The following TSPAN15 variants were observed in gnomAD, a reference collection of about 807,000 sequenced individuals.
The protein encoded by TSPAN15 is tetraspanin 15, also known as tetraspanin-15.
In TSPAN15, 20 loss-of-function variants were observed where a neutral mutation model predicts 34.5. The observed-to-expected ratio is 0.58, with a 90% CI of 0.41 to 0.84. The LOEUF is 0.84. Ranked by LOEUF, TSPAN15 falls within the 40% of genes least tolerant of loss-of-function variation. TSPAN15 has a pLI of 0.00. For synonymous variants in TSPAN15, 155 were observed against 153.9 expected (o/e 1.01, Z -0.05); for missense variants, 313 against 386.1 (o/e 0.81, Z 1.59).
At chr10:69,549,400 C>T in the TSPAN15 span, among the ~76,000 whole-genome samples, 1 of 152,170 alleles carries the variant, frequency 6.6e-6, no homozygotes, top group African/African-American at 2.4e-5. Context: ...TATATAAACC[C>T]TGGGTCTGGG....
intron 1 of TSPAN15, among the ~76,000 whole-genome samples, chr10:69,455,424 G>A (rs962799414): frequency 2.6e-5 from 4 of 152,254 alleles, no homozygotes; most frequent in African/African-American, 9.6e-5. Context: ...GCCTCATTCT[G>A]TGTGTTGGCT....
chr10:69,487,840 A>G (rs1438347612), intron 3 of TSPAN15, among the ~76,000 whole-genome samples: 1 of 152,152 alleles, frequency 6.6e-6, no homozygotes, highest in Non-Finnish European at 1.5e-5. Flanking sequence ...ATTTCTCATC[A>G]TCCCCAGACC....
the TSPAN15 span, among the ~76,000 whole-genome samples, chr10:69,539,449 A>AAGAAGG: frequency 7.4e-5 from 2 of 26,936 alleles, no homozygotes; most frequent in Admixed American, 5.1e-4. Flanking sequence ...AAGGAAGAAG[A>AAGAAGG]AGAAGAAGAA....
the TSPAN15 span, among the ~76,000 whole-genome samples, chr10:69,520,178 C>G: frequency 6.6e-6 from 1 of 152,204 alleles, no homozygotes; most frequent in East Asian, 1.9e-4. Flanking sequence ...CCCCACTTCC[C>G]CCTCCCTCAG....
chr10:69,465,675 G>GAGCTAGAGGT (rs151319470), intron 1 of TSPAN15, among the ~76,000 whole-genome samples: 8,795 of 152,254 alleles, frequency 0.058, 363 homozygotes, highest in Middle Eastern at 0.16. Flanking sequence ...TCACTCGTGA[G>GAGCTAGAGGT]AGCTAGAGGT....
intron 5 of TSPAN15, among the ~76,000 whole-genome samples, chr10:69,503,932 G>A (rs1842265018): frequency 6.6e-6 from 1 of 152,168 alleles, no homozygotes; most frequent in African/African-American, 2.4e-5. Flanking sequence ...AGGAAGTTTT[G>A]GCAGCACTCT....
chr10:69,463,904 C>G (rs1487810128), intron 1 of TSPAN15, among the ~76,000 whole-genome samples: 1 of 151,910 alleles, frequency 6.6e-6, no homozygotes, highest in African/African-American at 2.4e-5. Flanking sequence ...AGATATAATT[C>G]AGTTCAAAAT....
At chr10:69,495,799 A>G in intron 4 of TSPAN15, 110 bp downstream of exon 4, 4 of 767,462 alleles carry the variant, frequency 5.2e-6, no homozygotes, top group Non-Finnish European at 8.7e-6. Flanking sequence ...TCCATTCCCA[A>G]AGCAGGTGGC....
chr10:69,462,646 T>G (rs910951685), intron 1 of TSPAN15, among the ~76,000 whole-genome samples: 1 of 152,196 alleles, frequency 6.6e-6, no homozygotes, highest in Non-Finnish European at 1.5e-5. Context: ...TACCTGTGAT[T>G]TTTAAACTTC....
At chr10:69,548,896 G>C in the TSPAN15 span, among the ~76,000 whole-genome samples, 1 of 151,834 alleles carries the variant, frequency 6.6e-6, no homozygotes, top group African/African-American at 2.4e-5. Context: ...TTTGATGAAA[G>C]ATTCTAGAAG....
chr10:69,546,525 C>T, the TSPAN15 span, among the ~76,000 whole-genome samples: 1 of 152,174 alleles, frequency 6.6e-6, no homozygotes, highest in East Asian at 1.9e-4. Context: ...TCCTCCAAAC[C>T]TTCTCACACT....
At chr10:69,490,428 A>G (rs1036454929) in intron 3 of TSPAN15, among the ~76,000 whole-genome samples, 1 of 152,214 alleles carries the variant, frequency 6.6e-6, no homozygotes, top group Non-Finnish European at 1.5e-5. Flanking sequence ...ACTTGCAAAT[A>G]CCTAATACAG....
At chr10:69,549,150 T>A in the TSPAN15 span, among the ~76,000 whole-genome samples, 1 of 152,078 alleles carries the variant, frequency 6.6e-6, no homozygotes, top group Non-Finnish European at 1.5e-5. Context: ...ATGTTACCCA[T>A]AATTAGATGT....
intron 1 of TSPAN15, among the ~76,000 whole-genome samples, chr10:69,460,480 T>C (rs1047269492): frequency 6.6e-6 from 1 of 151,888 alleles, no homozygotes; most frequent in African/African-American, 2.4e-5. Context: ...CTGGCAGCCA[T>C]CTCTGCCTCT....
chr10:69,461,079 T>C (rs1022169096), intron 1 of TSPAN15, among the ~76,000 whole-genome samples: 2 of 152,098 alleles, frequency 1.3e-5, no homozygotes, highest in African/African-American at 4.8e-5. Flanking sequence ...TCTGGCTGGG[T>C]AACCGTTCAT....
chr10:69,474,391 C>G (rs1246870276), intron 1 of TSPAN15, among the ~76,000 whole-genome samples: 2 of 152,118 alleles, frequency 1.3e-5, no homozygotes, highest in Admixed American at 1.3e-4. Context: ...TGAACCAGTT[C>G]CCAGACAGGA....
At chr10:69,472,341 C>A (rs1232971464) in intron 1 of TSPAN15, among the ~76,000 whole-genome samples, 1 of 152,184 alleles carries the variant, frequency 6.6e-6, no homozygotes, top group Non-Finnish European at 1.5e-5. Context: ...TCAAACGTAA[C>A]CTCCTCCAGG....
chr10:69,494,650 G>T, intron 3 of TSPAN15: 1 of 985,404 alleles, frequency 1.0e-6, no homozygotes, highest in Non-Finnish European at 1.2e-6. Flanking sequence ...GAGAGGAGAA[G>T]TAAGCCGCGA....
intron 1 of TSPAN15, among the ~76,000 whole-genome samples, chr10:69,465,011 C>T (rs1841353057): frequency 6.6e-6 from 1 of 152,230 alleles, no homozygotes; most frequent in Non-Finnish European, 1.5e-5. Flanking sequence ...CTGACTCAGC[C>T]TCTGACCTGG....
Sources: allele counts gnomAD v4.1 joint callset (sites outside exome capture counted in the v4.1 genomes callset), GRCh38; gene constraint gnomAD v4.1.1; transcripts MANE v1.5; gene names NCBI Gene and HGNC (gene_info 2026-07-23, HGNC 2026-07-21).